Variants in TNR observed in about 807,000 individuals in gnomAD.
The protein encoded by TNR is tenascin R.
In TNR, 45 loss-of-function variants were observed where a neutral mutation model predicts 150.4. The ratio of observed to expected loss-of-function variants is 0.30; its 90% CI spans 0.24 to 0.38. The LOEUF (loss-of-function observed/expected upper bound fraction) is 0.38. TNR is among the 10% of genes least tolerant of loss of function. The pLI is 1.00. For missense variants in TNR, 1,544 were observed against 1,759.1 expected (o/e 0.88, Z 2.19); for synonymous variants, 687 against 678.4 (o/e 1.01, Z -0.20).
chr1:175,442,504 G>T (rs1487974522), intron 2 of TNR, among the ~76,000 whole-genome samples: 1 of 150,258 alleles, frequency 6.7e-6, no homozygotes, highest in Non-Finnish European at 1.5e-5. Context: ...GGAAGATTGA[G>T]AGTGAGAAGG....
chr1:175,351,890 C>G (rs1281064036), intron 18 of TNR, among the ~76,000 whole-genome samples: 1 of 152,234 alleles, frequency 6.6e-6, no homozygotes, highest in Non-Finnish European at 1.5e-5. Context: ...CTTCTGTTTT[C>G]CCCTTTCTGA....
At chr1:175,451,208 T>TTG in intron 2 of TNR, among the ~76,000 whole-genome samples, 1 of 141,124 alleles carries the variant, frequency 7.1e-6, no homozygotes, top group South Asian at 2.3e-4. Flanking sequence ...TGGTTAGTTT[T>TTG]TTTTTTTTAA....
chr1:175,532,366 G>T (rs1660106070), intron 1 of TNR, among the ~76,000 whole-genome samples: 1 of 152,166 alleles, frequency 6.6e-6, no homozygotes, highest in African/African-American at 2.4e-5. Context: ...GGCAACTGTT[G>T]GTGATCTGAC....
At chr1:175,603,440 G>A (rs930459962) in intron 1 of TNR, among the ~76,000 whole-genome samples, 3 of 152,306 alleles carry the variant, frequency 2.0e-5, no homozygotes, top group South Asian at 2.1e-4. Context: ...TTCAAGTTGC[G>A]AGGGGACTAA....
intron 2 of TNR, among the ~76,000 whole-genome samples, chr1:175,511,461 A>T (rs1384210198): frequency 2.0e-5 from 3 of 152,218 alleles, no homozygotes; most frequent in Non-Finnish European, 4.4e-5. Context: ...TAGAGGAATG[A>T]TGGATTGTGA....
chr1:175,389,858 G>A (rs903694588), intron 7 of TNR, among the ~76,000 whole-genome samples: 2 of 152,198 alleles, frequency 1.3e-5, no homozygotes, highest in Non-Finnish European at 2.9e-5. Context: ...TTCCTACAGA[G>A]CACTGTAGCT....
intron 18 of TNR, among the ~76,000 whole-genome samples, chr1:175,347,910 G>A (rs1006446588): frequency 6.6e-6 from 1 of 151,958 alleles, no homozygotes; most frequent in Non-Finnish European, 1.5e-5. Flanking sequence ...CCTAGGTAAT[G>A]TGATAAGAAA....
At chr1:175,726,164 A>G (rs572910690) in intron 1 of TNR, among the ~76,000 whole-genome samples, 58 of 152,314 alleles carry the variant, frequency 3.8e-4, no homozygotes, top group Middle Eastern at 3.4e-3. Context: ...ATGCTAAAGT[A>G]CCAGTCCTCA....
intron 2 of TNR, among the ~76,000 whole-genome samples, chr1:175,452,326 T>C (rs1656365886): frequency 6.6e-6 from 1 of 152,222 alleles, no homozygotes; most frequent in Non-Finnish European, 1.5e-5. Flanking sequence ...GAAATGACAA[T>C]ACACAAGAGT....
chr1:175,324,836 A>G (rs866935817), intron 21 of TNR, among the ~76,000 whole-genome samples: 2 of 151,538 alleles, frequency 1.3e-5, no homozygotes, highest in Middle Eastern at 6.8e-3. Context: ...ACGTGGACAC[A>G]GGCCACTCAT....
intron 22 of TNR, 32 bp downstream of exon 22, chr1:175,324,324 C>T: frequency 6.2e-7 from 1 of 1,605,230 alleles, no homozygotes; most frequent in African/African-American, 1.3e-5. Flanking sequence ...ACAGCTCTGG[C>T]TCATTCATAG....
chr1:175,333,728 T>G (rs1459060354), intron 20 of TNR, among the ~76,000 whole-genome samples: 1 of 152,080 alleles, frequency 6.6e-6, no homozygotes, highest in Non-Finnish European at 1.5e-5. Context: ...AGACAGGAAG[T>G]AAAATGGACA....
At chr1:175,420,876 TC>T (rs1317399455) in intron 2 of TNR, among the ~76,000 whole-genome samples, 2 of 152,212 alleles carry the variant, frequency 1.3e-5, no homozygotes, top group Admixed American at 6.5e-5. Context: ...GCTCACATTT[TC>T]TTTAGTTTGG....
Position 175,356,226 on chromosome 1 carries a change from G to A in TNR, c.3118+93C>T. ...ACAGCTCATAGCTGCCCTGTCCAAA[G>A]CCTGTAAGTGATAATCTAGTCCACC... On this transcript the variant is annotated intron_variant, in intron 16 of 22. Coordinates refer to ENST00000367674, the MANE Select transcript of TNR (RefSeq NM_003285.3). 3.3e-6 allele frequency: 5 copies of A among 1,530,972 alleles called. No individual in the cohort carries two copies. The Admixed American group carries it at 8.8e-5, about 27-fold the overall frequency. The allele number at this position is 1,530,972 out of a possible 1,614,324, so 94.8% of individuals were successfully genotyped here.
intron 2 of TNR, among the ~76,000 whole-genome samples, chr1:175,467,417 C>T (rs1440085486): frequency 6.6e-6 from 1 of 152,186 alleles, no homozygotes; most frequent in Admixed American, 6.5e-5. Context: ...AAACAATGAA[C>T]TTGATAAAAT....
At chr1:175,561,758 G>A (rs1365506541) in intron 1 of TNR, among the ~76,000 whole-genome samples, 4 of 152,184 alleles carry the variant, frequency 2.6e-5, no homozygotes, top group Admixed American at 6.6e-5. Context: ...GGAATGATTC[G>A]TATTCATTTC....
intron 2 of TNR, among the ~76,000 whole-genome samples, chr1:175,526,136 A>T (rs1303763158): frequency 1.3e-5 from 2 of 152,018 alleles, no homozygotes; most frequent in East Asian, 3.9e-4. Flanking sequence ...TTGGGAGTGA[A>T]CCCACCCATA....
chr1:175,359,464 T>C, intron 15 of TNR, 148 bp downstream of exon 15: 1 of 1,274,922 alleles, frequency 7.8e-7, no homozygotes, highest in Non-Finnish European at 1.1e-6. Flanking sequence ...GGGGATATCT[T>C]GAGGGCTTCA....
Position 175,360,937 on chromosome 1 carries a change from C to G in TNR, c.2855-1206G>C, listed in dbSNP as rs537927127. On this transcript the variant is annotated intron_variant, in intron 14 of 22. Transcript: ENST00000367674. ...GCAAAATAAGACATTCTGGGGCAATCTAGTTATTGGAAGTTGCTAAAATAG... is the reference window on the plus strand; with the variant it reads ...GCAAAATAAGACATTCTGGGGCAATGTAGTTATTGGAAGTTGCTAAAATAG... Among the ~76,000 whole-genome samples the G allele has an allele frequency of 2.6e-5, 4 of 152,274 alleles. No homozygotes were observed. The South Asian group carries it at 8.3e-4, about 32-fold the overall frequency.
Sources: allele counts gnomAD v4.1 joint callset (sites outside exome capture counted in the v4.1 genomes callset), GRCh38; gene constraint gnomAD v4.1.1; transcripts MANE v1.5; gene names NCBI Gene and HGNC (gene_info 2026-07-23, HGNC 2026-07-21).